PLCG2: variants seen among roughly 807,000 people sequenced by gnomAD.
PLCG2 encodes the protein 1-phosphatidylinositol 4,5-bisphosphate phosphodiesterase gamma-2.
Under a neutral mutation model 175.6 loss-of-function variants are expected in PLCG2, and 69 were observed. The ratio of observed to expected loss-of-function variants is 0.39; its 90% CI spans 0.32 to 0.48. PLCG2 has a LOEUF of 0.48. Ranked by LOEUF, PLCG2 falls within the 20% of genes least tolerant of loss-of-function variation. PLCG2 has a pLI of 0.91. For synonymous variants in PLCG2, 827 were observed against 624.0 expected, an observed-to-expected ratio of 1.33 and a Z score of -4.85; for missense variants, 1,798 against 1,650.9, an observed-to-expected ratio of 1.09 and a Z score of -1.54.
chr16:81,749,953 G>A (rs953311211), intron 1 of PLCG2, among the ~76,000 whole-genome samples: 1 of 151,610 alleles, frequency 6.6e-6, no homozygotes, highest in Non-Finnish European at 1.5e-5. Context: ...CCATGGTTGA[G>A]AAAAAGAAAG....
intron 18 of PLCG2, among the ~76,000 whole-genome samples, chr16:81,911,145 C>G (rs958378931): frequency 6.6e-6 from 1 of 152,046 alleles, no homozygotes; most frequent in African/African-American, 2.4e-5. Context: ...GAAGGGTCAA[C>G]AAATTCTGGG....
intron 2 of PLCG2, among the ~76,000 whole-genome samples, chr16:81,845,132 G>A (rs191469358): frequency 2.0e-5 from 3 of 152,092 alleles, no homozygotes; most frequent in Non-Finnish European, 4.4e-5. Flanking sequence ...TAGAGATGGG[G>A]TATTGCTTTG....
chr16:81,858,059 A>C, intron 3 of PLCG2: 1 of 555,960 alleles, frequency 1.8e-6, no homozygotes, highest in South Asian at 2.4e-5. Context: ...TACAAAGCTC[A>C]TCATGAATGT....
intron 5 of PLCG2, among the ~76,000 whole-genome samples, chr16:81,865,625 C>A (rs1443467097): frequency 1.3e-5 from 2 of 152,216 alleles, no homozygotes; most frequent in South Asian, 4.1e-4. Flanking sequence ...GGTTCCTTTG[C>A]CCTGCTGCTG....
chr16:81,891,787 A>G (rs987679398), intron 11 of PLCG2, among the ~76,000 whole-genome samples, 197 bp downstream of exon 11: 1 of 152,222 alleles, frequency 6.6e-6, no homozygotes, highest in Non-Finnish European at 1.5e-5. Flanking sequence ...TGGCATTGTA[A>G]TAATAATCTC....
intron 2 of PLCG2, among the ~76,000 whole-genome samples, chr16:81,827,809 C>T (rs1039796854): frequency 3.9e-5 from 6 of 152,030 alleles, no homozygotes; most frequent in Middle Eastern, 3.4e-3. Flanking sequence ...GCGTTGACGC[C>T]GCCAGGCACG....
intron 1 of PLCG2, among the ~76,000 whole-genome samples, chr16:81,746,230 G>A (rs534079780): frequency 2.6e-4 from 40 of 152,306 alleles, no homozygotes; most frequent in African/African-American, 9.1e-4. Context: ...GCCCTCCCCG[G>A]TGCTTCCCGG....
At chr16:81,772,192 G>C (rs970487277) in intron 2 of PLCG2, among the ~76,000 whole-genome samples, 1 of 152,136 alleles carries the variant, frequency 6.6e-6, no homozygotes, top group African/African-American at 2.4e-5. Flanking sequence ...CCAGAGAAAG[G>C]AGAGGGGTAT....
intron 13 of PLCG2, chr16:81,897,925 G>C (rs1908970343): frequency 2.2e-6 from 1 of 452,302 alleles, no homozygotes; most frequent in Non-Finnish European, 4.4e-6. Flanking sequence ...TGAAATTATG[G>C]ACGTCTTTTC....
chr16:81,806,608 C>T (rs956759487), intron 2 of PLCG2, among the ~76,000 whole-genome samples: 3 of 151,990 alleles, frequency 2.0e-5, no homozygotes, highest in Admixed American at 1.3e-4. Flanking sequence ...ATAGGATAGC[C>T]TGCAGACATG....
chr16:81,846,534 T>G (rs1383837151), intron 2 of PLCG2, among the ~76,000 whole-genome samples: 1 of 152,244 alleles, frequency 6.6e-6, no homozygotes, highest in Non-Finnish European at 1.5e-5. Context: ...ATAGCATTTA[T>G]TTTTATCCTC....
chr16:81,877,973 A>ATT (rs71146052), intron 7 of PLCG2, among the ~76,000 whole-genome samples: 3,064 of 55,752 alleles, frequency 0.055, 700 homozygotes, highest in South Asian at 0.11. Context: ...TTTTTTTTTA[A>ATT]TTTTTTTTTT....
chr16:81,828,006 C>T (rs1034461335), intron 2 of PLCG2, among the ~76,000 whole-genome samples: 3 of 148,856 alleles, frequency 2.0e-5, no homozygotes, highest in Non-Finnish European at 4.4e-5. Context: ...AGGAGAATTG[C>T]TTGCACCTGG....
chr16:81,885,268 C>G (rs967698399), intron 9 of PLCG2, among the ~76,000 whole-genome samples: 1 of 152,100 alleles, frequency 6.6e-6, no homozygotes, highest in Non-Finnish European at 1.5e-5. Context: ...AGGTGATCCA[C>G]CCGCCTTGGC....
chr16:81,916,109 T>C (rs1909828206), intron 19 of PLCG2, among the ~76,000 whole-genome samples: 1 of 152,176 alleles, frequency 6.6e-6, no homozygotes, highest in Non-Finnish European at 1.5e-5. Flanking sequence ...GCAGCTTTTC[T>C]ACTCAGCAGT....
intron 13 of PLCG2, among the ~76,000 whole-genome samples, chr16:81,900,052 A>G (rs1288376782): frequency 1.3e-5 from 2 of 152,262 alleles, no homozygotes; most frequent in Non-Finnish European, 2.9e-5. Flanking sequence ...ATAAATACAC[A>G]GACACCTTAT....
intron 5 of PLCG2, among the ~76,000 whole-genome samples, chr16:81,862,640 C>T (rs1283787465): frequency 6.6e-6 from 1 of 152,026 alleles, no homozygotes; most frequent in Non-Finnish European, 1.5e-5. Context: ...GAGGCCAAGG[C>T]GGGTGGATCG....
intron 13 of PLCG2, among the ~76,000 whole-genome samples, chr16:81,896,843 A>G (rs538928863): frequency 6.6e-6 from 1 of 152,250 alleles, no homozygotes; most frequent in South Asian, 2.1e-4. Flanking sequence ...CATTTAACAG[A>G]TGAGTAAATT....
chr16:81,768,836 G>C (rs1233216408), intron 2 of PLCG2, among the ~76,000 whole-genome samples: 1 of 152,062 alleles, frequency 6.6e-6, no homozygotes, highest in African/African-American at 2.4e-5. Flanking sequence ...CAAAGTACTG[G>C]GATTACAGGT....
Sources: allele counts gnomAD v4.1 joint callset (sites outside exome capture counted in the v4.1 genomes callset), GRCh38; gene constraint gnomAD v4.1.1; transcripts MANE v1.5; gene names NCBI Gene and HGNC (gene_info 2026-07-23, HGNC 2026-07-21).